Variants in SLC75A1 observed in about 807,000 individuals in gnomAD.
SLC75A1 encodes solute carrier family 75 member 1, also known as major facilitator superfamily domain containing 10.
the SLC75A1 span, chr4:2,932,717 C>A: frequency 6.3e-7 from 1 of 1,598,606 alleles, no homozygotes; most frequent in Non-Finnish European, 8.5e-7. Flanking sequence ...CCGCAAAGCT[C>A]CGAGAGGTGG....
chr4:2,930,910 G>A, the SLC75A1 span: 999 of 1,613,084 alleles, frequency 6.2e-4, 11 homozygotes, highest in South Asian at 9.3e-3. Flanking sequence ...AAAAGAGCCC[G>A]GACCACGTGG....
At chr4:2,933,407 A>G in the SLC75A1 span, among the ~76,000 whole-genome samples, 1 of 152,166 alleles carries the variant, frequency 6.6e-6, no homozygotes, top group African/African-American at 2.4e-5. Context: ...GAGGCAAGGG[A>G]TCATGCCCAG....
At chr4:2,930,793 G>A in the SLC75A1 span, 2 of 1,601,978 alleles carry the variant, frequency 1.2e-6, no homozygotes, top group Non-Finnish European at 8.5e-7. Context: ...CCTGACCTAG[G>A]CTCCCACTCT....
At chr4:2,932,150 G>A in the SLC75A1 span, 1 of 1,604,684 alleles carries the variant, frequency 6.2e-7, no homozygotes, top group Non-Finnish European at 8.5e-7. Context: ...GCGATAGAGG[G>A]CGCCTGTGGG....
At chr4:2,931,049 C>G in the SLC75A1 span, 1 of 1,608,586 alleles carries the variant, frequency 6.2e-7, no homozygotes, top group African/African-American at 1.3e-5. Context: ...CAGCACCATC[C>G]CGCGCCCTCA....
At chr4:2,931,584 G>T in the SLC75A1 span, 5 of 1,613,132 alleles carry the variant, frequency 3.1e-6, no homozygotes, top group Non-Finnish European at 4.2e-6. Context: ...TCCCCGCCAG[G>T]GTGGATCCGC....
chr4:2,931,104 T>C, the SLC75A1 span: 1 of 1,591,270 alleles, frequency 6.3e-7, no homozygotes, highest in Non-Finnish European at 8.6e-7. Flanking sequence ...CCAGAGCACC[T>C]AGGCTGCGCA....
the SLC75A1 span, chr4:2,933,254 G>A: frequency 1.3e-6 from 2 of 1,565,822 alleles, no homozygotes; most frequent in Middle Eastern, 1.7e-4. Flanking sequence ...GGCACCATGA[G>A]CTGTGGTCTT....
chr4:2,932,461 C>T, the SLC75A1 span: 66 of 1,613,456 alleles, frequency 4.1e-5, no homozygotes, highest in Non-Finnish European at 5.2e-5. Flanking sequence ...AGGGAGGCTC[C>T]GAGCATAGGG....
chr4:2,931,925 G>A, the SLC75A1 span: 2 of 1,609,292 alleles, frequency 1.2e-6, no homozygotes, highest in Non-Finnish European at 1.7e-6. Flanking sequence ...AGGCGGCGCA[G>A]GCTGCTGAGC....
chr4:2,930,906 G>A, the SLC75A1 span: 2 of 1,613,078 alleles, frequency 1.2e-6, no homozygotes, highest in South Asian at 2.2e-5. Flanking sequence ...AGCAAAAAGA[G>A]CCCGGACCAC....
At chr4:2,933,064 GGGA>G in the SLC75A1 span, 43 of 1,579,384 alleles carry the variant, frequency 2.7e-5, no homozygotes, top group East Asian at 8.5e-4. Flanking sequence ...CTGGCTGGGT[GGGA>G]GGAGGCTTCC....
the SLC75A1 span, chr4:2,931,785 T>C: frequency 6.4e-7 from 1 of 1,555,386 alleles, no homozygotes; most frequent in South Asian, 1.2e-5. Flanking sequence ...AGGGGCGTTA[T>C]TTCAGGGAGA....
At chr4:2,931,170 C>T in the SLC75A1 span, 54 of 1,557,624 alleles carry the variant, frequency 3.5e-5, no homozygotes, top group Admixed American at 1.0e-3. Flanking sequence ...GAGGCACAGT[C>T]AGGCACCACT....
chr4:2,931,560 T>G, the SLC75A1 span: 1 of 1,612,154 alleles, frequency 6.2e-7, no homozygotes. Context: ...CCTACCCGCT[T>G]CACGGCAGCA....
At chr4:2,932,712 A>G in the SLC75A1 span, 1 of 1,600,702 alleles carries the variant, frequency 6.2e-7, no homozygotes, top group Non-Finnish European at 8.5e-7. Flanking sequence ...GAAGGCCGCA[A>G]AGCTCCGAGA....
the SLC75A1 span, chr4:2,932,921 T>C: frequency 9.2e-7 from 1 of 1,081,348 alleles, no homozygotes; most frequent in Non-Finnish European, 1.3e-6. Flanking sequence ...CAGGAGCAGC[T>C]CCTTGAAAGC....
the SLC75A1 span, chr4:2,933,700 T>C: frequency 6.2e-7 from 1 of 1,608,134 alleles, no homozygotes; most frequent in Non-Finnish European, 8.5e-7. Context: ...GCTGGGGAGG[T>C]CTGATGGGCC....
At chr4:2,933,236 G>A in the SLC75A1 span, 1 of 1,593,472 alleles carries the variant, frequency 6.3e-7, no homozygotes, top group African/African-American at 1.3e-5. Context: ...ACCATCATGG[G>A]GCTGCCTGGC....
Sources: gnomAD v4.1 joint callset for allele counts (sites outside exome capture counted in the v4.1 genomes callset) on GRCh38, gnomAD v4.1.1 for gene constraint, MANE v1.5 for transcripts, NCBI Gene and HGNC (gene_info 2026-07-23, HGNC 2026-07-21) for gene names.